Variants in GRID1 observed in about 807,000 individuals in gnomAD.
GRID1 encodes the protein glutamate ionotropic receptor delta type subunit 1, also known as glutamate receptor ionotropic, delta-1.
A neutral mutation model predicts 98.0 loss-of-function variants in GRID1; 28 were observed. The ratio of observed to expected loss-of-function variants is 0.29; its 90% CI spans 0.21 to 0.39. The LOEUF is 0.39. Ranked by LOEUF, GRID1 falls within the 10% of genes least tolerant of loss-of-function variation. The pLI is 1.00. For synonymous variants in GRID1, 553 were observed against 538.5 expected (o/e 1.03, Z -0.37); for missense variants, 1,111 against 1,340.5 (o/e 0.83, Z 2.67).
intron 4 of GRID1, among the ~76,000 whole-genome samples, chr10:85,956,867 C>CG (rs1196470068): frequency 1.3e-5 from 2 of 152,182 alleles, no homozygotes; most frequent in Non-Finnish European, 2.9e-5. Flanking sequence ...CACAGAATCA[C>CG]TGTGTATCAG....
chr10:86,255,605 G>T (rs557518805), intron 2 of GRID1, among the ~76,000 whole-genome samples: 1 of 152,278 alleles, frequency 6.6e-6, no homozygotes, highest in African/African-American at 2.4e-5. Flanking sequence ...TCTCTTGCCC[G>T]GTGCCCAGCC....
At chr10:86,341,574 T>C (rs1848311368) in intron 2 of GRID1, among the ~76,000 whole-genome samples, 1 of 152,206 alleles carries the variant, frequency 6.6e-6, no homozygotes, top group Admixed American at 6.5e-5. Flanking sequence ...CTCCCAGAGC[T>C]AGGCCCTCCT....
intron 13 of GRID1, among the ~76,000 whole-genome samples, chr10:85,638,028 C>G (rs1843071012): frequency 6.6e-6 from 1 of 151,954 alleles, no homozygotes; most frequent in Non-Finnish European, 1.5e-5. Context: ...AGCTCTAATA[C>G]TTATATTAGG....
chr10:86,296,821 AC>A (rs1311997616), intron 2 of GRID1, among the ~76,000 whole-genome samples: 4 of 149,456 alleles, frequency 2.7e-5, no homozygotes, highest in Non-Finnish European at 5.9e-5. Flanking sequence ...ATACATACAT[AC>A]ATACATACAT....
At chr10:85,822,128 C>T (rs1364621072) in intron 8 of GRID1, among the ~76,000 whole-genome samples, 1 of 152,070 alleles carries the variant, frequency 6.6e-6, no homozygotes, top group Non-Finnish European at 1.5e-5. Context: ...TAGGCATGGG[C>T]AAGGACTTCA....
chr10:85,927,993 T>A (rs113414974), intron 4 of GRID1, among the ~76,000 whole-genome samples: 252 of 152,264 alleles, frequency 1.7e-3, no homozygotes, highest in African/African-American at 5.9e-3. Context: ...AAAACATTGA[T>A]GGGATGGAGT....
intron 12 of GRID1, among the ~76,000 whole-genome samples, chr10:85,714,069 C>T (rs1055622536): frequency 6.6e-6 from 1 of 151,916 alleles, no homozygotes; most frequent in Non-Finnish European, 1.5e-5. Flanking sequence ...GAATACTATG[C>T]AGCCATAAAA....
At chr10:85,743,104 A>ACCC (rs1841960845) in intron 8 of GRID1, among the ~76,000 whole-genome samples, 4 of 75,992 alleles carry the variant, frequency 5.3e-5, no homozygotes. Context: ...AGAATTATGC[A>ACCC]GCCCCCCCCC....
Position 86,024,622 on chromosome 10 carries a change from C to A in GRID1, c.727-108383G>T, listed in dbSNP as rs570732807. Among the ~76,000 whole-genome samples the A allele has an allele frequency of 8.5e-5, 13 of 152,310 alleles. No homozygotes were observed. In the East Asian group the frequency reaches 1.2e-3, roughly 14 times the overall value. ...GATCTGAGCCAGGTGAGGGCTCCCC[C>A]CAAAAGTTAGTTTCCCTTGTTCTGA... On this transcript the variant is annotated intron_variant, in intron 4 of 15. Coordinates refer to ENST00000327946, the MANE Select transcript of GRID1 (RefSeq NM_017551.3).
At chr10:86,321,502 A>G (rs529228741) in intron 2 of GRID1, among the ~76,000 whole-genome samples, 71 of 152,328 alleles carry the variant, frequency 4.7e-4, no homozygotes, top group African/African-American at 1.6e-3. Context: ...GGTTCTTACT[A>G]GGGCAGGAAT....
At chr10:86,198,371 C>A (rs1205925307) in intron 3 of GRID1, among the ~76,000 whole-genome samples, 2 of 152,020 alleles carry the variant, frequency 1.3e-5, no homozygotes, top group Non-Finnish European at 2.9e-5. Context: ...AGAACACAAC[C>A]AAAATACAGC....
intron 2 of GRID1, among the ~76,000 whole-genome samples, chr10:86,349,067 C>A (rs115297420): frequency 6.6e-6 from 1 of 152,188 alleles, no homozygotes; most frequent in Non-Finnish European, 1.5e-5. Context: ...TCCTGGAGTG[C>A]GGAGGGAGGC....
At chr10:85,970,027 AAAAAT>A (rs1842386728) in intron 4 of GRID1, among the ~76,000 whole-genome samples, 1 of 152,002 alleles carries the variant, frequency 6.6e-6, no homozygotes, top group Non-Finnish European at 1.5e-5. Flanking sequence ...CTGACCTTAA[AAAAAT>A]AAAAATAAAT....
chr10:85,626,079 A>C (rs1590164952), intron 13 of GRID1, among the ~76,000 whole-genome samples: 1 of 152,248 alleles, frequency 6.6e-6, no homozygotes, highest in Non-Finnish European at 1.5e-5. Context: ...GAAAGGAAGC[A>C]CAGAAGGAAG....
chr10:85,878,643 C>T (rs983693418), intron 5 of GRID1, among the ~76,000 whole-genome samples: 6 of 152,170 alleles, frequency 3.9e-5, no homozygotes, highest in Admixed American at 3.3e-4. Flanking sequence ...AAAGGAACAA[C>T]CGGTACCAGC....
chr10:86,166,969 T>C (rs1845407883), intron 3 of GRID1, among the ~76,000 whole-genome samples: 1 of 152,232 alleles, frequency 6.6e-6, no homozygotes, highest in Non-Finnish European at 1.5e-5. Context: ...GCTACTTTTC[T>C]TCTGCAGCAA....
intron 4 of GRID1, among the ~76,000 whole-genome samples, chr10:85,930,229 G>C (rs61855978): frequency 0.11 from 15,305 of 144,542 alleles, 917 homozygotes; most frequent in African/African-American, 0.15. Flanking sequence ...AATAACTTGC[G>C]GTTATTTTTA....
intron 4 of GRID1, among the ~76,000 whole-genome samples, chr10:85,923,963 A>C (rs1424741188): frequency 6.6e-6 from 1 of 152,072 alleles, no homozygotes; most frequent in Non-Finnish European, 1.5e-5. Context: ...TCTGGTTGTC[A>C]AAGGATTTTT....
chr10:85,774,751 A>C (rs1433179141), intron 8 of GRID1, among the ~76,000 whole-genome samples: 3 of 150,342 alleles, frequency 2.0e-5, no homozygotes, highest in Non-Finnish European at 4.5e-5. Flanking sequence ...GCCATCAGAG[A>C]AATGCAAATC....
Sources: allele counts gnomAD v4.1 joint callset (sites outside exome capture counted in the v4.1 genomes callset), GRCh38; gene constraint gnomAD v4.1.1; transcripts MANE v1.5; gene names NCBI Gene and HGNC (gene_info 2026-07-23, HGNC 2026-07-21).